TNRC6B: variants seen among roughly 807,000 people sequenced by gnomAD.
TNRC6B encodes trinucleotide repeat-containing gene 6B protein.
TNRC6B carries 52 observed loss-of-function variants against 203.6 expected under a neutral mutation model. The observed-to-expected ratio is 0.26, with a 90% CI of 0.20 to 0.32. The LOEUF (loss-of-function observed/expected upper bound fraction) is 0.32. TNRC6B is among the 10% of genes least tolerant of loss of function. The pLI, the probability that TNRC6B is intolerant of heterozygous loss-of-function variation, is 1.00. For synonymous variants in TNRC6B, 838 were observed against 845.7 expected, an observed-to-expected ratio of 0.99 and a Z score of 0.16; for missense variants, 1,923 against 2,286.2, an observed-to-expected ratio of 0.84 and a Z score of 3.24.
At chr22:40,100,772 G>A (rs550855530) in intron 1 of TNRC6B, among the ~76,000 whole-genome samples, 1 of 152,296 alleles carries the variant, frequency 6.6e-6, no homozygotes, top group East Asian at 1.9e-4. Flanking sequence ...AGGATACTGA[G>A]GGATGAGTGT....
rs914492078 is a variant in TNRC6B at position 40,296,456 on chromosome 22, C to T, written c.3709-3999C>T. 6.6e-5 allele frequency among the ~76,000 whole-genome samples: 10 copies of T among 151,180 alleles called. No individual in the cohort carries two copies. The South Asian group carries it at 1.0e-3, about 16-fold the overall frequency. The stretch of plus-strand genomic sequence containing the variant: ...ATGCCATTCTCCTGCCTCAGTCTCC[C>T]GAGTAGCTGGGACTACAGGCGCCCG... On this transcript the variant is annotated intron_variant, in intron 12 of 22. Coordinates refer to ENST00000454349, the MANE Select transcript of TNRC6B (RefSeq NM_001162501.2).
At chr22:40,209,394 T>G (rs955707683) in intron 1 of TNRC6B, among the ~76,000 whole-genome samples, 1 of 152,140 alleles carries the variant, frequency 6.6e-6, no homozygotes, top group South Asian at 2.1e-4. Context: ...GGCCCAAACC[T>G]TTATCTCACC....
intron 3 of TNRC6B, among the ~76,000 whole-genome samples, chr22:40,151,565 A>AAAAC (rs1345667039): frequency 6.6e-6 from 1 of 151,168 alleles, no homozygotes; most frequent in African/African-American, 2.4e-5. Flanking sequence ...AAAAAGAAAA[A>AAAAC]AACTAAAACA....
intron 3 of TNRC6B, among the ~76,000 whole-genome samples, chr22:40,133,135 T>C (rs2068567770): frequency 3.3e-5 from 5 of 151,736 alleles, no homozygotes; most frequent in Admixed American, 2.0e-4. Context: ...ATTTTATCTG[T>C]CACATGTGGC....
intron 1 of TNRC6B, among the ~76,000 whole-genome samples, chr22:40,087,178 A>G (rs2068107871): frequency 6.6e-6 from 1 of 152,236 alleles, no homozygotes; most frequent in African/African-American, 2.4e-5. Flanking sequence ...ATTATAGATA[A>G]GAGATGGAAA....
chr22:40,212,642 T>C (rs990604465), intron 1 of TNRC6B, among the ~76,000 whole-genome samples: 38 of 152,076 alleles, frequency 2.5e-4, no homozygotes, highest in Non-Finnish European at 2.9e-5. Flanking sequence ...GTATTTCTTT[T>C]TTGTTTGTTT....
chr22:40,315,323 C>T lies in TNRC6B; in HGVS notation c.4719C>T (p.Pro1573=). Residue 1573 remains proline, a synonymous_variant, in exon 20 of 23, where the codon CCC becomes CCT. Transcript: ENST00000454349. ...PDYKSTWSPD[P]IGHNPTHLSN... is the part of the protein sequence containing the mutation. ...ACAAATCAACATGGTCCCCAGATCC[C>T]ATAGGACACAACCCCACTCATCTCT... is the stretch of plus-strand genomic sequence containing the variant. 6.2e-7 allele frequency: 1 copy of T among 1,613,974 alleles called. No individual in the cohort carries two copies. Among genetic ancestry groups the T allele is most frequent in the Non-Finnish European group, 8.5e-7 (1 of 1,179,880 alleles).
intron 1 of TNRC6B, among the ~76,000 whole-genome samples, chr22:40,103,386 G>C (rs751412514): frequency 2.6e-5 from 4 of 151,772 alleles, no homozygotes; most frequent in Non-Finnish European, 5.9e-5. Flanking sequence ...CTTTTCCCAC[G>C]CCATGCCCCA....
chr22:40,087,674 T>C (rs2068112130), intron 1 of TNRC6B, among the ~76,000 whole-genome samples: 1 of 152,098 alleles, frequency 6.6e-6, no homozygotes, highest in South Asian at 2.1e-4. Flanking sequence ...GGCCAGGTGA[T>C]CATTGGGTCC....
chr22:40,282,327 A>G (rs927246217), intron 11 of TNRC6B, among the ~76,000 whole-genome samples: 3 of 152,188 alleles, frequency 2.0e-5, no homozygotes, highest in Non-Finnish European at 4.4e-5. Flanking sequence ...AATGGATTAT[A>G]CTATATCCAT....
chr22:40,138,836 C>A (rs2146336228), intron 3 of TNRC6B, among the ~76,000 whole-genome samples: 1 of 152,090 alleles, frequency 6.6e-6, no homozygotes, highest in East Asian at 1.9e-4. Context: ...AACAAAACCC[C>A]AAACAGCAAT....
At chr22:40,284,546 T>G (rs1428177261) in intron 11 of TNRC6B, among the ~76,000 whole-genome samples, 1 of 152,226 alleles carries the variant, frequency 6.6e-6, no homozygotes, top group Non-Finnish European at 1.5e-5. Context: ...CATGGATATT[T>G]ACAGATGATA....
chr22:40,124,024 C>T (rs766020373), intron 2 of TNRC6B, among the ~76,000 whole-genome samples: 4 of 151,630 alleles, frequency 2.6e-5, no homozygotes, highest in Non-Finnish European at 4.4e-5. Flanking sequence ...GTTGATTAAG[C>T]TGGGAGCAAG....
At chr22:40,263,838 G>A (rs2070426525) in intron 4 of TNRC6B, among the ~76,000 whole-genome samples, 1 of 152,178 alleles carries the variant, frequency 6.6e-6, no homozygotes, top group Non-Finnish European at 1.5e-5. Context: ...TCATCATTCA[G>A]CAGATGCTTA....
intron 1 of TNRC6B, among the ~76,000 whole-genome samples, chr22:40,057,127 G>C (rs2067804276): frequency 6.6e-6 from 1 of 152,160 alleles, no homozygotes; most frequent in Non-Finnish European, 1.5e-5. Flanking sequence ...TCACAGGATT[G>C]AAAGATGATA....
chr22:40,311,467 T>C (rs1273612559), intron 17 of TNRC6B, among the ~76,000 whole-genome samples: 2 of 152,140 alleles, frequency 1.3e-5, no homozygotes, highest in African/African-American at 4.8e-5. Context: ...TCCATAAATA[T>C]ATATCCTCCT....
intron 2 of TNRC6B, among the ~76,000 whole-genome samples, chr22:40,117,422 T>A (rs1457866335): frequency 6.6e-6 from 1 of 152,232 alleles, no homozygotes; most frequent in Non-Finnish European, 1.5e-5. Context: ...GTCTCTCACC[T>A]TTCCCTGCTG....
At chr22:40,178,680 T>A (rs1435745045) in intron 1 of TNRC6B, among the ~76,000 whole-genome samples, 1 of 152,114 alleles carries the variant, frequency 6.6e-6, no homozygotes, top group Non-Finnish European at 1.5e-5. Flanking sequence ...AAACATCAGG[T>A]TGGGGGCGGG....
At chr22:40,202,025 C>G (rs1221815790) in intron 1 of TNRC6B, among the ~76,000 whole-genome samples, 1 of 152,066 alleles carries the variant, frequency 6.6e-6, no homozygotes, top group Non-Finnish European at 1.5e-5. Flanking sequence ...GAAAGGGTCA[C>G]GTAATGTTAA....
Sources: gnomAD v4.1 joint callset for allele counts (sites outside exome capture counted in the v4.1 genomes callset) on GRCh38, gnomAD v4.1.1 for gene constraint, MANE v1.5 for transcripts, NCBI Gene and HGNC (gene_info 2026-07-23, HGNC 2026-07-21) for gene names.